The following COP1 variants were observed in gnomAD, a reference collection of about 807,000 sequenced individuals.
COP1 encodes the protein COP1 E3 ubiquitin ligase.
Under a neutral mutation model 101.3 loss-of-function variants are expected in COP1, and 24 were observed. That is an observed-to-expected ratio of 0.24 (90% CI 0.17 to 0.33). The LOEUF is 0.33. COP1 is among the 10% of genes least tolerant of loss of function. The pLI, the probability that COP1 is intolerant of heterozygous loss-of-function variation, is 1.00. For missense variants in COP1, 663 were observed against 906.2 expected (o/e 0.73, Z 3.45); for synonymous variants, 347 against 341.9 (o/e 1.01, Z -0.17).
At chr1:176,134,033 C>T (rs2149723009) in intron 8 of COP1, 3 of 353,106 alleles carry the variant, frequency 8.5e-6, no homozygotes, top group Non-Finnish European at 1.7e-5. Context: ...ATTCTCCATA[C>T]TATAATTAAT....
chr1:176,136,404 C>A (rs1236881311), intron 7 of COP1, 84 bp downstream of exon 7: 19 of 883,118 alleles, frequency 2.2e-5, no homozygotes, highest in Non-Finnish European at 2.9e-5. Context: ...ATCCCATAAA[C>A]TTAACACAGC....
chr1:175,996,045 C>T (rs1157357468), intron 15 of COP1, among the ~76,000 whole-genome samples: 1 of 152,122 alleles, frequency 6.6e-6, no homozygotes, highest in Non-Finnish European at 1.5e-5. Flanking sequence ...AAAGCTTATC[C>T]ACCATGATCA....
intron 8 of COP1, among the ~76,000 whole-genome samples, chr1:176,117,924 C>A (rs1686484802): frequency 6.6e-6 from 1 of 151,800 alleles, no homozygotes; most frequent in Admixed American, 6.6e-5. Context: ...AAACAAAAAA[C>A]CAACAAAAAA....
chr1:175,961,964 G>A (rs1651425341), intron 18 of COP1, among the ~76,000 whole-genome samples: 1 of 152,038 alleles, frequency 6.6e-6, no homozygotes, highest in Non-Finnish European at 1.5e-5. Context: ...AGCAGCTTAT[G>A]TATTAGTTAA....
intron 8 of COP1, among the ~76,000 whole-genome samples, chr1:176,126,545 C>T (rs995852349): frequency 6.6e-6 from 1 of 152,128 alleles, no homozygotes; most frequent in South Asian, 2.1e-4. Context: ...CAACCTCTGC[C>T]TCCCGGGTTC....
At position 175,987,045 on chromosome 1, in the gene COP1, A is replaced by C; in HGVS notation, c.2031T>G (p.Thr677=). The change falls in exon 18 of 20, where the codon ACT becomes ACG. Residue 677 remains threonine (T), a synonymous_variant. Coordinates refer to ENST00000367669, the MANE Select transcript of COP1 (RefSeq NM_022457.7). ...YYKGLSKTLL[T]FKFDTVKSVL... ...CACTTTTGACTGTATCAAACTTAAA[A>C]GTTAGCAAAGTCTTAGAAAGTCCTT... 6.2e-7 allele frequency: 1 copy of C among 1,602,596 alleles called. No individual in the cohort carries two copies. Among genetic ancestry groups the C allele is most frequent in the Non-Finnish European group, 8.5e-7 (1 of 1,170,714 alleles).
chr1:175,982,467 A>C (rs1309620369), intron 18 of COP1: 3 of 449,962 alleles, frequency 6.7e-6, no homozygotes, highest in African/African-American at 2.0e-5. Context: ...ATGAGGATGA[A>C]GACCTTTATG....
rs182684434 is a variant in COP1 at position 176,145,829 on chromosome 1, G to A, written c.831+3177C>T. Among the ~76,000 whole-genome samples, 22 of 152,216 alleles carry A rather than the reference G, an allele frequency of 1.4e-4. 1 individual carries two copies. In the East Asian group the frequency reaches 4.3e-3, roughly 29 times the overall value. On this transcript the variant is annotated intron_variant, in intron 6 of 19. Coordinates refer to ENST00000367669, the MANE Select transcript of COP1 (RefSeq NM_022457.7). ...CAAAACATTAAAGAAAGGCAAGAAA[G>A]TGACTGCCATAATTATCAGAATATT...
At chr1:176,194,596 C>T (rs1239936509) in intron 1 of COP1, among the ~76,000 whole-genome samples, 1 of 152,072 alleles carries the variant, frequency 6.6e-6, no homozygotes, top group Non-Finnish European at 1.5e-5. Context: ...CAAGATAACA[C>T]CACTGCACTC....
At chr1:176,113,626 CCAA>C (rs1685663713) in intron 9 of COP1, among the ~76,000 whole-genome samples, 1 of 151,706 alleles carries the variant, frequency 6.6e-6, no homozygotes, top group East Asian at 1.9e-4. Context: ...AGTCCTCCAG[CCAA>C]AGACCAATTA....
At chr1:175,965,633 G>C (rs1651925302) in intron 18 of COP1, among the ~76,000 whole-genome samples, 1 of 151,658 alleles carries the variant, frequency 6.6e-6, no homozygotes, top group Non-Finnish European at 1.5e-5. Context: ...CTGTCGCTCA[G>C]GCTGGACTGC....
At chr1:176,184,830 G>C in intron 1 of COP1, 138 bp from the exon 2 acceptor site, 1 of 554,096 alleles carries the variant, frequency 1.8e-6, no homozygotes, top group Admixed American at 3.4e-5. Context: ...CTATCAATAA[G>C]AGATGAAATT....
At chr1:175,998,416 C>T (rs144214009) in intron 15 of COP1, among the ~76,000 whole-genome samples, 4,110 of 150,758 alleles carry the variant, frequency 0.027, 107 homozygotes, top group Non-Finnish European at 0.038. Context: ...ACATATGTAA[C>T]TAACCTGCAC....
rs956824587 is a variant in COP1 at position 176,150,807 on chromosome 1, T to C, written c.763-1733A>G. ...AAGGAGAAAGTCCCCAAAATGTCAA[T>C]GTAAAAGGAAAGTGGGTCCAACTAC... On this transcript the variant is annotated intron_variant, in intron 5 of 19. Coordinates refer to ENST00000367669, the MANE Select transcript of COP1 (RefSeq NM_022457.7). 5.9e-5 allele frequency among the ~76,000 whole-genome samples: 9 copies of C among 152,118 alleles called. 1 individual carries two copies. The highest frequency in any genetic ancestry group is 1.5e-5 in the Non-Finnish European group (1 of 68,016).
At chr1:176,178,869 C>CA (rs1697340250) in intron 2 of COP1, among the ~76,000 whole-genome samples, 1 of 150,838 alleles carries the variant, frequency 6.6e-6, no homozygotes. Context: ...CACTCCATCC[C>CA]AAAAAAAGGT....
chr1:176,006,495 C>A (rs1663257862), intron 15 of COP1, among the ~76,000 whole-genome samples: 1 of 152,142 alleles, frequency 6.6e-6, no homozygotes, highest in Non-Finnish European at 1.5e-5. Flanking sequence ...ATGGGTTGTT[C>A]CTTTTCATGT....
intron 9 of COP1, among the ~76,000 whole-genome samples, chr1:176,090,334 C>T (rs1387719077): frequency 1.3e-5 from 2 of 152,124 alleles, no homozygotes; most frequent in Non-Finnish European, 2.9e-5. Flanking sequence ...TTCTCAGGAC[C>T]TCTTGAGACT....
intron 6 of COP1, among the ~76,000 whole-genome samples, chr1:176,137,656 T>A (rs935918498): frequency 1.3e-5 from 2 of 152,200 alleles, no homozygotes; most frequent in African/African-American, 4.8e-5. Flanking sequence ...AAGGTAGGCT[T>A]ATTGTTCCAG....
At chr1:176,153,003 A>G (rs952807618) in intron 5 of COP1, among the ~76,000 whole-genome samples, 2 of 152,152 alleles carry the variant, frequency 1.3e-5, no homozygotes, top group Non-Finnish European at 2.9e-5. Context: ...GGGTACAGAT[A>G]TACCTGAGAA....
Sources: gnomAD v4.1 joint callset for allele counts (sites outside exome capture counted in the v4.1 genomes callset) on GRCh38, gnomAD v4.1.1 for gene constraint, MANE v1.5 for transcripts, NCBI Gene and HGNC (gene_info 2026-07-23, HGNC 2026-07-21) for gene names.